RAPH1: variants seen among roughly 807,000 people sequenced by gnomAD.
RAPH1 encodes ras-associated and pleckstrin homology domains-containing protein 1.
RAPH1 carries 18 observed loss-of-function variants against 88.1 expected under a neutral mutation model. The observed-to-expected ratio is 0.20, with a 90% CI of 0.14 to 0.30. RAPH1 has a LOEUF of 0.30. Ranked by LOEUF, RAPH1 falls within the 10% of genes least tolerant of loss-of-function variation. The pLI is 1.00. For synonymous variants in RAPH1, 587 were observed against 559.0 expected, an observed-to-expected ratio of 1.05 and a Z score of -0.71; for missense variants, 1,448 against 1,543.2, an observed-to-expected ratio of 0.94 and a Z score of 1.03.
chr2:203,500,645 T>G (rs1559489935), intron 1 of RAPH1, among the ~76,000 whole-genome samples: 1 of 152,224 alleles, frequency 6.6e-6, no homozygotes, highest in Non-Finnish European at 1.5e-5. Context: ...GGGTATTGCT[T>G]ATACTCACTT....
chr2:203,453,396 A>T (rs1581265763), intron 10 of RAPH1, among the ~76,000 whole-genome samples: 1 of 151,866 alleles, frequency 6.6e-6, no homozygotes, highest in East Asian at 1.9e-4. Flanking sequence ...AAACACAAAA[A>T]TTAGCTGGGT....
Position 203,491,266 on chromosome 2 carries a change from C to T in RAPH1, c.174G>A (p.Gln58=), listed in dbSNP as rs545413325. Residue 58 remains glutamine, a synonymous_variant, in exon 3 of 14, where the codon CAG becomes CAA. Transcript: ENST00000319170. ...MEPVKRSPLR[Q]ETNMANFSYR... ...AAGAAAAGTTGGCCATGTTTGTTTC[C>T]TGGCGAAGAGGAGATCTTTTTACTG... 6.2e-7 allele frequency: 1 copy of T among 1,613,410 alleles called. No homozygotes were observed. The highest frequency in any genetic ancestry group is 1.1e-5 in the South Asian group (1 of 90,986).
intron 4 of RAPH1, among the ~76,000 whole-genome samples, chr2:203,471,019 A>G (rs892004746): frequency 6.6e-6 from 1 of 152,208 alleles, no homozygotes; most frequent in Non-Finnish European, 1.5e-5. Flanking sequence ...ATAATTTGTA[A>G]ATGGCATGGT....
intron 1 of RAPH1, among the ~76,000 whole-genome samples, chr2:203,506,812 C>CTATATATATA (rs768853766): frequency 3.1e-4 from 16 of 52,196 alleles, no homozygotes; most frequent in Non-Finnish European, 4.8e-4. Context: ...ATATCTATAT[C>CTATATATATA]TATATATCTA....
At chr2:203,511,582 A>G (rs1415525351) in intron 1 of RAPH1, among the ~76,000 whole-genome samples, 1 of 152,210 alleles carries the variant, frequency 6.6e-6, no homozygotes, top group Admixed American at 6.5e-5. Context: ...GAATCTATTC[A>G]AAGTATAATT....
rs1301553047 is a variant in RAPH1, at chr2:203,435,795, T to C, written c.*3642A>G. 3 of 152,246 alleles carry C rather than the reference T, an allele frequency of 2.0e-5. No individual in the cohort carries two copies. The highest frequency in any genetic ancestry group is 6.5e-5 in the Admixed American group (1 of 15,276). The allele number at this position is 152,246 out of a possible 1,614,324, so 9.4% of individuals were successfully genotyped here. A position where few individuals can be genotyped will look rare whatever the true frequency, so the allele number is the denominator to read the frequency against. ...TACCTGTTTAAAGTCACTTTGTGTT[T>C]ATAACAAAATTACTTTTAGCTGAGG... On this transcript the variant is annotated 3_prime_UTR_variant, in exon 14 of 14. Coordinates refer to ENST00000319170, the MANE Select transcript of RAPH1 (RefSeq NM_213589.3).
intron 8 of RAPH1, 57 bp from the exon 9 acceptor site, chr2:203,455,637 T>A (rs1371847721): frequency 6.6e-7 from 1 of 1,526,390 alleles, no homozygotes; most frequent in Non-Finnish European, 9.0e-7. Flanking sequence ...CAGAACAAAG[T>A]TGTGTTTACT....
chr2:203,462,816 T>C (rs2153642396), intron 4 of RAPH1, among the ~76,000 whole-genome samples: 1 of 152,320 alleles, frequency 6.6e-6, no homozygotes, highest in South Asian at 2.1e-4. Flanking sequence ...AATCTCCAAT[T>C]TTAAAAAACT....
At chr2:203,514,469 C>T (rs1302574850) in intron 1 of RAPH1, among the ~76,000 whole-genome samples, 1 of 152,084 alleles carries the variant, frequency 6.6e-6, no homozygotes, top group East Asian at 1.9e-4. Flanking sequence ...AATATGGATT[C>T]CAGGAAGCTT....
intron 1 of RAPH1, among the ~76,000 whole-genome samples, chr2:203,507,520 A>C (rs1689144518): frequency 6.6e-6 from 1 of 152,212 alleles, no homozygotes; most frequent in South Asian, 2.1e-4. Flanking sequence ...TACAAAGGCA[A>C]ACCAACATCA....
intron 1 of RAPH1, among the ~76,000 whole-genome samples, chr2:203,504,010 T>C (rs1427798797): frequency 2.0e-5 from 3 of 152,152 alleles, no homozygotes; most frequent in African/African-American, 4.8e-5. Context: ...CCCTGTGGCT[T>C]TGCAGGGTAC....
At chr2:203,506,889 T>G (rs1226097334) in intron 1 of RAPH1, among the ~76,000 whole-genome samples, 1,259 of 112,176 alleles carry the variant, frequency 0.011, 52 homozygotes, top group Non-Finnish European at 0.017. Flanking sequence ...TAGATATATA[T>G]ATATATATAT....
chr2:203,454,283 C>G (rs1181628646), intron 10 of RAPH1, 147 bp downstream of exon 10: 1 of 567,740 alleles, frequency 1.8e-6, no homozygotes, highest in Admixed American at 3.1e-5. Flanking sequence ...TGCTTCTTTT[C>G]CTTACCACAC....
intron 2 of RAPH1, among the ~76,000 whole-genome samples, chr2:203,493,093 T>C (rs1282591404): frequency 2.0e-5 from 3 of 152,218 alleles, no homozygotes; most frequent in Non-Finnish European, 4.4e-5. Flanking sequence ...CAAACATCTC[T>C]TGAAAATGTC....
chr2:203,470,403 C>A, intron 4 of RAPH1: 1 of 732,364 alleles, frequency 1.4e-6, no homozygotes, highest in Non-Finnish European at 2.3e-6. Flanking sequence ...GTAGACAAAG[C>A]AAGAATGATT....
intron 4 of RAPH1, among the ~76,000 whole-genome samples, chr2:203,473,694 G>A (rs1173188963): frequency 6.6e-6 from 1 of 152,008 alleles, no homozygotes; most frequent in African/African-American, 2.4e-5. Flanking sequence ...ATTATGGTTT[G>A]GGCATGGCAT....
At chr2:203,506,946 G>A (rs1465838981) in intron 1 of RAPH1, among the ~76,000 whole-genome samples, 1 of 136,822 alleles carries the variant, frequency 7.3e-6, no homozygotes, top group Admixed American at 7.6e-5. Context: ...GCCCAGGCTG[G>A]AGTGCAATGG....
chr2:203,520,542 G>A (rs1417527832), intron 1 of RAPH1, among the ~76,000 whole-genome samples: 1 of 151,648 alleles, frequency 6.6e-6, no homozygotes, highest in South Asian at 2.1e-4. Context: ...CAGGAGAATC[G>A]CCTGAACCCA....
At position 203,457,589 on chromosome 2, in the gene RAPH1, G is replaced by C; in HGVS notation, c.1099C>G (p.Leu367Val). The C allele has an allele frequency of 6.2e-7, 1 of 1,608,966 alleles. No homozygotes were observed. Among genetic ancestry groups the C allele is most frequent in the Non-Finnish European group, 8.5e-7 (1 of 1,175,418 alleles). ...TCAGCTGTTTCTTTTTTCCCCAAAA[G>C]ATAATTCTGGAAAAACAAACATATG... ...YALFKNPQNY[L>V]LGKKETAEMA... The change falls in exon 8 of 14, where the codon CTT (leucine) becomes GTT (valine). Residue 367 changes from leucine to valine, a missense_variant. This residue lies in a region of RAPH1 where 513 missense variants were observed against 653.1 expected (regional missense o/e 0.79). Transcript: ENST00000319170.
Sources: gnomAD v4.1 joint callset for allele counts (sites outside exome capture counted in the v4.1 genomes callset) on GRCh38, gnomAD v4.1.1 for gene constraint, gnomAD v4.1.1 regional missense constraint, MANE v1.5 for transcripts, NCBI Gene and HGNC (gene_info 2026-07-23, HGNC 2026-07-21) for gene names.